SLC8A3: variants seen among roughly 807,000 people sequenced by gnomAD.
The protein encoded by SLC8A3 is solute carrier family 8 member A3.
A neutral mutation model predicts 65.4 loss-of-function variants in SLC8A3; 37 were observed. The ratio of observed to expected loss-of-function variants is 0.57; its 90% CI spans 0.44 to 0.74. The LOEUF (loss-of-function observed/expected upper bound fraction) is 0.74. Ranked by LOEUF, SLC8A3 falls within the 30% of genes least tolerant of loss-of-function variation. The pLI is 0.00. For missense variants in SLC8A3, 1,112 were observed against 1,172.1 expected, an observed-to-expected ratio of 0.95 and a Z score of 0.75; for synonymous variants, 461 against 444.5, an observed-to-expected ratio of 1.04 and a Z score of -0.47.
chr14:70,185,138 TG>T (rs1883088746), intron 1 of SLC8A3, among the ~76,000 whole-genome samples: 1 of 152,140 alleles, frequency 6.6e-6, no homozygotes, highest in Non-Finnish European at 1.5e-5. Context: ...AGCTAATTTT[TG>T]TATTTTTAGT....
In SLC8A3 at chr14:70,168,304, C is replaced by T; in HGVS notation, c.119G>A (p.Ser40Asn). 3 of 1,614,172 alleles carry T rather than the reference C, an allele frequency of 1.9e-6. No individual in the cohort carries two copies. The highest frequency in any genetic ancestry group is 1.1e-5 in the South Asian group (1 of 91,070). The part of the protein sequence containing the change: ...AEAGGSGDVP[S>N]TGQNNESCSG... ...ACAGGACTCATTGTTCTGCCCTGTG[C>T]TTGGCACGTCCCCTGAGCCACCAGC... Residue 40 changes from serine (S) to asparagine (N), a missense_variant, in exon 2 of 7, where the codon AGC becomes AAC. Physicochemically the swap from Ser to Asn is conservative, Grantham distance 46 (BLOSUM62 1). Coordinates refer to ENST00000356921, the MANE Select transcript of SLC8A3 (RefSeq NM_182932.3).
intron 2 of SLC8A3, among the ~76,000 whole-genome samples, chr14:70,113,981 TC>T (rs1307769288): frequency 6.6e-6 from 1 of 152,092 alleles, no homozygotes; most frequent in Non-Finnish European, 1.5e-5. Flanking sequence ...TCTCATGAAC[TC>T]CCAGCACCAG....
At chr14:70,124,511 A>G (rs952035156) in intron 2 of SLC8A3, among the ~76,000 whole-genome samples, 2 of 152,212 alleles carry the variant, frequency 1.3e-5, no homozygotes, top group Non-Finnish European at 2.9e-5. Context: ...TCATTTATGA[A>G]GCTGGCCTCA....
intron 2 of SLC8A3, among the ~76,000 whole-genome samples, chr14:70,145,338 GAATTTCATATACCTCCATTATT>G (rs1217361405): frequency 6.6e-6 from 1 of 152,170 alleles, no homozygotes; most frequent in East Asian, 1.9e-4. Flanking sequence ...CAATCACTCT[GAATTTCATATACCTCCATTATT>G]AAATTCAATA....
chr14:70,072,118 G>C (rs1890063788), intron 2 of SLC8A3, among the ~76,000 whole-genome samples: 1 of 152,174 alleles, frequency 6.6e-6, no homozygotes, highest in Admixed American at 6.5e-5. Flanking sequence ...TATGGATGTA[G>C]ACCCATTTGA....
chr14:70,155,552 T>C (rs977947662), intron 2 of SLC8A3, among the ~76,000 whole-genome samples: 1 of 152,236 alleles, frequency 6.6e-6, no homozygotes, highest in Non-Finnish European at 1.5e-5. Flanking sequence ...TTCTTAGACC[T>C]AGAATCAAGT....
intron 3 of SLC8A3, among the ~76,000 whole-genome samples, chr14:70,057,911 C>A (rs1888348615): frequency 6.6e-6 from 1 of 151,562 alleles, no homozygotes; most frequent in Non-Finnish European, 1.5e-5. Flanking sequence ...AGACAGAGAG[C>A]TTTCCTTTCT....
At position 70,069,308 on chromosome 14, in the gene SLC8A3, G is replaced by A. The variant is rs766890748; in HGVS notation, c.1785-8369C>T. On this transcript the variant is annotated intron_variant, in intron 2 of 6. Transcript: ENST00000356921. The stretch of plus-strand genomic sequence containing the variant: ...TGAGTAGGTGGCCTCCTAACCCTTC[G>A]GCCCTCCCATGCCAGAAATAATCTC... Among the ~76,000 whole-genome samples the A allele has an allele frequency of 3.9e-5, 6 of 152,176 alleles. No individual in the cohort carries two copies. The East Asian group carries it at 9.7e-4, about 24-fold the overall frequency.
At chr14:70,127,461 C>G (rs759127419) in intron 2 of SLC8A3, among the ~76,000 whole-genome samples, 1 of 152,114 alleles carries the variant, frequency 6.6e-6, no homozygotes, top group African/African-American at 2.4e-5. Context: ...AGTTAGCTCT[C>G]CATTCTAATT....
Position 70,167,492 on chromosome 14 carries a change from C to T in SLC8A3, c.931G>A (p.Glu311Lys), listed in dbSNP as rs779151654. Residue 311 changes from glutamate (E) to lysine (K), a missense_variant, in exon 2 of 7, where the codon GAG becomes AAG. By Grantham distance (56) the Glu-to-Lys change is moderately conservative. Transcript: ENST00000356921. ...LVPLEGKEVD[E>K]SRREMIRILK... ...ATCCGGATCATCTCTCTGCGGGACT[C>T]ATCCACTTCCTTCCCTTCCAGGGGC... 6.2e-7 allele frequency: 1 copy of T among 1,614,086 alleles called. No homozygotes were observed. Among genetic ancestry groups the T allele is most frequent in the Non-Finnish European group, 8.5e-7 (1 of 1,180,010 alleles).
chr14:70,168,513 G>T (rs970437167), intron 1 of SLC8A3, 29 bp from the exon 2 acceptor site: 1 of 1,064,618 alleles, frequency 9.4e-7, no homozygotes, highest in South Asian at 1.6e-5. Flanking sequence ...GCAGGAAAAG[G>T]CATGAGGAAA....
chr14:70,111,754 G>T (rs2840250), intron 2 of SLC8A3, among the ~76,000 whole-genome samples: 134,787 of 152,222 alleles, frequency 0.89, 60,203 homozygotes, highest in Non-Finnish European at 0.95. Flanking sequence ...GCGAAAACAT[G>T]TGGGAAATGG....
chr14:70,148,579 CCTT>C (rs1455417096), intron 2 of SLC8A3, among the ~76,000 whole-genome samples: 2 of 152,140 alleles, frequency 1.3e-5, no homozygotes, highest in African/African-American at 4.8e-5. Flanking sequence ...CCTTTTATCT[CCTT>C]CTGCTCAGGA....
intron 2 of SLC8A3, among the ~76,000 whole-genome samples, chr14:70,061,386 G>C (rs1888782053): frequency 6.6e-6 from 1 of 152,166 alleles, no homozygotes; most frequent in Non-Finnish European, 1.5e-5. Context: ...GAATAACCCA[G>C]GGTCTTCCCA....
At chr14:70,187,420 C>CCCG (rs1203306858) in intron 1 of SLC8A3, among the ~76,000 whole-genome samples, 1 of 151,876 alleles carries the variant, frequency 6.6e-6, no homozygotes, top group East Asian at 1.9e-4. Flanking sequence ...TTAACCCCAC[C>CCCG]CCGCCACCAC....
rs757665089 is a variant in SLC8A3, at chr14:70,046,346, G to C, written c.2390-23C>G. 2.1e-5 allele frequency: 34 copies of C among 1,581,882 alleles called. 1 individual carries two copies. Among genetic ancestry groups the C allele is most frequent in the South Asian group, 2.1e-4 (18 of 85,128 alleles). The stretch of plus-strand genomic sequence containing the variant: ...TATCTGGAAAAGGACAAAGACACAT[G>C]GGAACTGGTAGGAGGCTAAGGTGTG... On this transcript the variant is annotated intron_variant, in intron 6 of 6. Transcript: ENST00000356921. The surrounding 1 kb of genome is among the most constrained non-coding windows in gnomAD (Gnocchi z 4.2).
intron 2 of SLC8A3, among the ~76,000 whole-genome samples, chr14:70,140,605 T>G (rs1895501838): frequency 6.6e-6 from 1 of 152,206 alleles, no homozygotes; most frequent in Non-Finnish European, 1.5e-5. Context: ...CTCACTTTCC[T>G]CCTCTGTAAA....
intron 3 of SLC8A3, 87 bp downstream of exon 3, chr14:70,060,749 T>A (rs1284101104): frequency 1.2e-6 from 1 of 824,622 alleles, no homozygotes. Context: ...AAAATATAGC[T>A]GCTTTTTCTT....
At chr14:70,076,752 C>T (rs746833016) in intron 2 of SLC8A3, among the ~76,000 whole-genome samples, 9 of 152,168 alleles carry the variant, frequency 5.9e-5, no homozygotes, top group Non-Finnish European at 1.3e-4. Context: ...GCTAGAATCA[C>T]GGCTCTGCTG....
Sources: gnomAD v4.1 joint callset for allele counts (sites outside exome capture counted in the v4.1 genomes callset) on GRCh38, gnomAD v4.1.1 for gene constraint, Gnocchi (gnomAD v3.1) non-coding constraint, MANE v1.5 for transcripts, NCBI Gene and HGNC (gene_info 2026-07-23, HGNC 2026-07-21) for gene names.